Variants in TRABD2B observed in about 807,000 individuals in gnomAD.
TRABD2B encodes the protein metalloprotease TIKI2.
A neutral mutation model predicts 40.1 loss-of-function variants in TRABD2B; 14 were observed. The ratio of observed to expected loss-of-function variants is 0.35; its 90% confidence interval spans 0.23 to 0.55. The LOEUF (loss-of-function observed/expected upper bound fraction) is 0.55. Ranked by LOEUF, TRABD2B falls within the 20% of genes least tolerant of loss-of-function variation. The probability of loss-of-function intolerance (pLI) is 0.90; values close to 1 mark genes in which losing one functional copy is unlikely to be tolerated. For synonymous variants in TRABD2B, 263 were observed against 277.0 expected (o/e 0.95, Z 0.50); for missense variants, 541 against 648.6 (o/e 0.83, Z 1.80).
At chr1:47,828,486 C>T (rs1462885046) in intron 2 of TRABD2B, among the ~76,000 whole-genome samples, 5 of 152,226 alleles carry the variant, frequency 3.3e-5, no homozygotes, top group African/African-American at 4.8e-5. Flanking sequence ...GCCGCTCAGT[C>T]AGCAGCTGCT....
intron 2 of TRABD2B, among the ~76,000 whole-genome samples, chr1:47,931,854 T>C (rs1333176927): frequency 2.0e-5 from 3 of 152,096 alleles, no homozygotes; most frequent in South Asian, 2.1e-4. Flanking sequence ...CACACGGCAA[T>C]AGATAACCCC....
At chr1:47,939,925 C>T (rs1420054895) in intron 2 of TRABD2B, among the ~76,000 whole-genome samples, 1 of 152,160 alleles carries the variant, frequency 6.6e-6, no homozygotes, top group African/African-American at 2.4e-5. Context: ...CACACTGAAT[C>T]CAGAGTGGTC....
chr1:47,995,044 G>C (rs891911111), intron 1 of TRABD2B, among the ~76,000 whole-genome samples: 1 of 152,168 alleles, frequency 6.6e-6, no homozygotes, highest in Non-Finnish European at 1.5e-5. Context: ...CTTCACCGGT[G>C]GTGTTTCATG....
chr1:47,866,067 A>G (rs992896153), intron 2 of TRABD2B, among the ~76,000 whole-genome samples: 19 of 152,020 alleles, frequency 1.2e-4, no homozygotes, highest in Non-Finnish European at 1.9e-4. Context: ...TCATCATCAC[A>G]GGCCAAAGAG....
At chr1:47,844,929 G>A (rs1391651204) in intron 2 of TRABD2B, among the ~76,000 whole-genome samples, 2 of 152,140 alleles carry the variant, frequency 1.3e-5, no homozygotes, top group Non-Finnish European at 2.9e-5. Context: ...AGTTCTTTGA[G>A]CAAGACAGAA....
At chr1:47,915,876 C>T (rs532507947) in intron 2 of TRABD2B, among the ~76,000 whole-genome samples, 1 of 152,312 alleles carries the variant, frequency 6.6e-6, no homozygotes, top group South Asian at 2.1e-4. Flanking sequence ...CCCCACCAGG[C>T]GGTGACCCCA....
intron 4 of TRABD2B, among the ~76,000 whole-genome samples, chr1:47,781,109 C>T (rs917069172): frequency 2.6e-5 from 4 of 152,216 alleles, no homozygotes; most frequent in Admixed American, 1.3e-4. Context: ...TTGCCTTTCC[C>T]CACAGCACCA....
intron 2 of TRABD2B, among the ~76,000 whole-genome samples, chr1:47,942,706 T>C (rs1362355604): frequency 6.6e-6 from 1 of 152,180 alleles, no homozygotes; most frequent in Non-Finnish European, 1.5e-5. Flanking sequence ...TACTTTAAAC[T>C]CTTTATGCAT....
At chr1:47,931,034 A>G (rs1275507322) in intron 2 of TRABD2B, among the ~76,000 whole-genome samples, 4 of 152,188 alleles carry the variant, frequency 2.6e-5, no homozygotes, top group Non-Finnish European at 4.4e-5. Context: ...TCACCAGAAT[A>G]TGGGCTCTGT....
chr1:47,772,756 C>G (rs1408857385), intron 6 of TRABD2B, among the ~76,000 whole-genome samples: 3 of 152,062 alleles, frequency 2.0e-5, no homozygotes, highest in Non-Finnish European at 4.4e-5. Context: ...TGGGATGAGT[C>G]CCCTGGGAGC....
chr1:47,985,173 C>T (rs1645903295), intron 2 of TRABD2B, among the ~76,000 whole-genome samples: 2 of 152,244 alleles, frequency 1.3e-5, no homozygotes, highest in Non-Finnish European at 2.9e-5. Context: ...CCGATAAGTG[C>T]ACTTATTCTG....
At chr1:47,786,460 T>C (rs778536418) in intron 4 of TRABD2B, among the ~76,000 whole-genome samples, 6 of 152,184 alleles carry the variant, frequency 3.9e-5, no homozygotes, top group Non-Finnish European at 7.3e-5. Context: ...CAGGAGGGGA[T>C]GTTCCTCTGG....
At chr1:47,940,826 C>T (rs371926960) in intron 2 of TRABD2B, among the ~76,000 whole-genome samples, 10 of 152,206 alleles carry the variant, frequency 6.6e-5, no homozygotes, top group South Asian at 2.1e-4. Context: ...GGGGGAATCT[C>T]GAGAGCATGG....
In TRABD2B at chr1:47,908,578, C is replaced by G. The variant is rs188735895; in HGVS notation, c.666+85456G>C. Among the ~76,000 whole-genome samples, 238 of 152,256 alleles carry G rather than the reference C, an allele frequency of 1.6e-3. 1 individual carries two copies. The highest frequency in any genetic ancestry group is 5.2e-3 in the African/African-American group (215 of 41,550). On this transcript the variant is annotated intron_variant, in intron 2 of 6. Coordinates refer to ENST00000606738, the MANE Select transcript of TRABD2B (RefSeq NM_001194986.2). Reference sequence around the variant, plus strand: ...GGCTCCTATTCTCTCCCTCCTGTGCCTCTCCTTCACTCTCATTTCCTGTCT... The same window carrying G: ...GGCTCCTATTCTCTCCCTCCTGTGCGTCTCCTTCACTCTCATTTCCTGTCT...
At position 47,990,768 on chromosome 1, in the gene TRABD2B, GTTTTATATATATATAT is replaced by G. The variant is rs1184148737; in HGVS notation, c.666+3250_666+3265del. ...ACAAGTTGTTGGTTTTAAAACGTTG[GTTTTATATATATATAT>G]ATATATATATATATATATATATATA... On this transcript the variant is annotated intron_variant, in intron 2 of 6. Coordinates refer to ENST00000606738, the MANE Select transcript of TRABD2B (RefSeq NM_001194986.2). 3.6e-4 allele frequency among the ~76,000 whole-genome samples: 16 copies of G among 44,934 alleles called. 1 individual carries two copies. The highest frequency in any genetic ancestry group is 6.5e-4 in the African/African-American group (6 of 9,268). 29.5% of individuals were successfully genotyped at this position (44,934 alleles called of 152,430 possible).
At chr1:47,938,043 G>A (rs1027878998) in intron 2 of TRABD2B, among the ~76,000 whole-genome samples, 1 of 152,124 alleles carries the variant, frequency 6.6e-6, no homozygotes, top group Non-Finnish European at 1.5e-5. Context: ...TTTGCCAGCC[G>A]CAAATGGGGC....
intron 2 of TRABD2B, among the ~76,000 whole-genome samples, chr1:47,937,749 C>G (rs1395112370): frequency 1.3e-5 from 2 of 152,166 alleles, no homozygotes; most frequent in East Asian, 1.9e-4. Context: ...AAGGTATTGT[C>G]TCTTAAGGCC....
intron 2 of TRABD2B, among the ~76,000 whole-genome samples, chr1:47,844,212 G>A (rs1292873679): frequency 2.0e-5 from 3 of 152,216 alleles, no homozygotes; most frequent in Non-Finnish European, 4.4e-5. Flanking sequence ...AAGCCTCTGA[G>A]TGCAAGCTAA....
intron 2 of TRABD2B, among the ~76,000 whole-genome samples, chr1:47,949,801 A>C (rs1047084179): frequency 6.6e-6 from 1 of 152,168 alleles, no homozygotes; most frequent in Non-Finnish European, 1.5e-5. Context: ...TCTGAGAAAA[A>C]GTCCCTGAAA....
Sources: allele counts gnomAD v4.1 joint callset (sites outside exome capture counted in the v4.1 genomes callset), GRCh38; gene constraint gnomAD v4.1.1; transcripts MANE v1.5; gene names NCBI Gene and HGNC (gene_info 2026-07-23, HGNC 2026-07-21).